Variants in GOLPH3 observed in about 807,000 individuals in gnomAD.
The protein encoded by GOLPH3 is coat protein GPP34.
Under a neutral mutation model 28.5 loss-of-function variants are expected in GOLPH3, and 14 were observed. The observed-to-expected ratio is 0.49, with a 90% confidence interval of 0.32 to 0.77. GOLPH3 has a LOEUF of 0.77. Among genes scored for constraint, GOLPH3 ranks in the 30% least tolerant of loss-of-function variants. The pLI, the probability that GOLPH3 is intolerant of heterozygous loss-of-function variation, is 0.03. For missense variants in GOLPH3, 350 were observed against 393.7 expected (o/e 0.89, Z 0.94); for synonymous variants, 158 against 159.2 (o/e 0.99, Z 0.06).
chr5:32,151,594 T>C (rs1431188289), intron 1 of GOLPH3, among the ~76,000 whole-genome samples: 2 of 152,146 alleles, frequency 1.3e-5, no homozygotes, highest in Non-Finnish European at 2.9e-5. Flanking sequence ...TGCTAAAACA[T>C]ACCAAAAGAT....
intron 1 of GOLPH3, among the ~76,000 whole-genome samples, chr5:32,172,908 C>CA (rs1746875584): frequency 6.6e-6 from 1 of 152,150 alleles, no homozygotes; most frequent in Non-Finnish European, 1.5e-5. Context: ...ACAAATACAG[C>CA]AAAACGTCAT....
At chr5:32,172,814 T>TCG (rs1746871854) in intron 1 of GOLPH3, among the ~76,000 whole-genome samples, 1 of 152,214 alleles carries the variant, frequency 6.6e-6, no homozygotes, top group Non-Finnish European at 1.5e-5. Context: ...TAAGCCGAGA[T>TCG]CGCGGCATTG....
chr5:32,174,011 G>A lies in GOLPH3; in HGVS notation c.24C>T (p.Ser8=), dbSNP rs1746916511. The A allele has an allele frequency of 2.3e-6, 3 of 1,319,834 alleles. No individual in the cohort carries two copies. The highest frequency in any genetic ancestry group is 2.3e-5 in the South Asian group (1 of 44,060). 81.8% of individuals were successfully genotyped at this position (1,319,834 alleles called of 1,614,324 possible). The change falls in exon 1 of 4, where the codon AGC becomes AGT. Residue 8 remains serine (S), a synonymous_variant. Transcript: ENST00000265070. ...CGGTGCGCCGCTGCACCAGGCCGGA[G>A]CTGCGCTGGGTCAGCGAGGTCATGG... MTSLTQR[S]SGLVQRRTEA...
At position 32,150,675 on chromosome 5, in the gene GOLPH3, A is replaced by AT. The variant is rs368911191; in HGVS notation, c.226-6796dup. ...TGACTGGAAATGTTATGGAGTTAAG[A>AT]TTTTTTTTCACATTTTGGAATATTT... On this transcript the variant is annotated intron_variant, in intron 1 of 3. Coordinates refer to ENST00000265070, the MANE Select transcript of GOLPH3 (RefSeq NM_022130.4). Among the ~76,000 whole-genome samples the AT allele has an allele frequency of 3.4e-3, 519 of 152,074 alleles. 1 individual carries two copies. The highest frequency in any genetic ancestry group is 6.3e-3 in the Non-Finnish European group (426 of 67,968).
chr5:32,146,917 A>AAC (rs910392962), intron 1 of GOLPH3, among the ~76,000 whole-genome samples: 3 of 150,658 alleles, frequency 2.0e-5, no homozygotes, highest in African/African-American at 7.3e-5. Context: ...AAAGAAAACA[A>AAC]AAAAAAAAAC....
intron 1 of GOLPH3, among the ~76,000 whole-genome samples, chr5:32,147,429 T>C (rs572194311): frequency 2.7e-5 from 4 of 150,178 alleles, no homozygotes; most frequent in African/African-American, 4.9e-5. Context: ...CAAGACTTCA[T>C]CTCAAACAAA....
In GOLPH3 at chr5:32,126,200, C is replaced by A. The variant is rs1220785680; in HGVS notation, c.*12G>T. The A allele has an allele frequency of 6.2e-7, 1 of 1,603,268 alleles. No homozygotes were observed. Among genetic ancestry groups the A allele is most frequent in the African/African-American group, 1.3e-5 (1 of 74,818 alleles). On this transcript the variant is annotated 3_prime_UTR_variant, in exon 4 of 4. Coordinates refer to ENST00000265070, the MANE Select transcript of GOLPH3 (RefSeq NM_022130.4). ...ACTTGAGAGAAAGGAGAATGGTTCA[C>A]CCCGAGCAGAGTTACTTGGTGAACG...
At chr5:32,159,750 T>C (rs189493298) in intron 1 of GOLPH3, among the ~76,000 whole-genome samples, 3 of 152,360 alleles carry the variant, frequency 2.0e-5, no homozygotes, top group Admixed American at 1.3e-4. Flanking sequence ...ATCTAGGTTC[T>C]ACAATTACCT....
At chr5:32,159,925 G>T (rs1746538526) in intron 1 of GOLPH3, among the ~76,000 whole-genome samples, 2 of 152,214 alleles carry the variant, frequency 1.3e-5, no homozygotes. Context: ...AGTATTTTAA[G>T]TTGAGGACAT....
intron 1 of GOLPH3, among the ~76,000 whole-genome samples, chr5:32,158,563 G>T (rs1245602124): frequency 6.6e-6 from 1 of 152,050 alleles, no homozygotes; most frequent in Non-Finnish European, 1.5e-5. Flanking sequence ...GGTATCATCA[G>T]CAAGTCCATC....
At chr5:32,155,503 T>C (rs1162104190) in intron 1 of GOLPH3, among the ~76,000 whole-genome samples, 1 of 152,172 alleles carries the variant, frequency 6.6e-6, no homozygotes, top group Non-Finnish European at 1.5e-5. Context: ...AATAAGTGAA[T>C]TGTCAATTAA....
chr5:32,152,903 A>G (rs1746340243), intron 1 of GOLPH3, among the ~76,000 whole-genome samples: 1 of 152,212 alleles, frequency 6.6e-6, no homozygotes, highest in African/African-American at 2.4e-5. Flanking sequence ...CACCACTTTT[A>G]CTGAGGGAAA....
intron 3 of GOLPH3, among the ~76,000 whole-genome samples, chr5:32,132,481 T>C (rs1745843923): frequency 6.6e-6 from 1 of 152,206 alleles, no homozygotes; most frequent in Admixed American, 6.5e-5. Context: ...AGGATTTTTC[T>C]TTTCTCTGAA....
At chr5:32,128,420 A>G (rs1410674151) in intron 3 of GOLPH3, among the ~76,000 whole-genome samples, 4 of 152,166 alleles carry the variant, frequency 2.6e-5, no homozygotes, top group Non-Finnish European at 5.9e-5. Flanking sequence ...CACTGTGGGT[A>G]GCCCAGACGG....
chr5:32,160,831 G>A (rs1746554155), intron 1 of GOLPH3, among the ~76,000 whole-genome samples: 1 of 152,222 alleles, frequency 6.6e-6, no homozygotes, highest in African/African-American at 2.4e-5. Flanking sequence ...ACTTTGGGAG[G>A]CCAAGGCGGG....
intron 1 of GOLPH3, among the ~76,000 whole-genome samples, chr5:32,156,977 T>C (rs894286043): frequency 6.6e-6 from 1 of 152,212 alleles, no homozygotes; most frequent in Non-Finnish European, 1.5e-5. Context: ...ATGATTGGAT[T>C]TGGGTGCCAT....
rs1459052740 is a variant in GOLPH3, at chr5:32,158,138, C to T, written c.226-14258G>A. Among the ~76,000 whole-genome samples, 85 of 91,626 alleles carry T rather than the reference C, an allele frequency of 9.3e-4. 5 individuals are homozygous for T. Among genetic ancestry groups the T allele is most frequent in the African/African-American group, 3.1e-3 (75 of 24,302 alleles). The allele number at this position is 91,626 out of a possible 152,430, so 60.1% of individuals were successfully genotyped here. On this transcript the variant is annotated intron_variant, in intron 1 of 3. Transcript: ENST00000265070. ...AATAAATAAATAAATAAAATACACA[C>T]ACACACACACACACACACACACACA...
intron 1 of GOLPH3, among the ~76,000 whole-genome samples, chr5:32,165,014 C>T (rs547367261): frequency 6.6e-6 from 1 of 151,102 alleles, no homozygotes; most frequent in Admixed American, 6.6e-5. Flanking sequence ...ATTCTCCTGC[C>T]TCAGCCTCCC....
At chr5:32,155,026 T>A (rs1279443663) in intron 1 of GOLPH3, among the ~76,000 whole-genome samples, 1 of 142,470 alleles carries the variant, frequency 7.0e-6, no homozygotes, top group Non-Finnish European at 1.5e-5. Flanking sequence ...AAGGTTGCAG[T>A]GGACAGAGGT....
Sources: allele counts gnomAD v4.1 joint callset (sites outside exome capture counted in the v4.1 genomes callset), GRCh38; gene constraint gnomAD v4.1.1; transcripts MANE v1.5; gene names NCBI Gene and HGNC (gene_info 2026-07-23, HGNC 2026-07-21).